The following FAM53A variants were observed in gnomAD, a reference collection of about 807,000 sequenced individuals.
The protein encoded by FAM53A is family with sequence similarity 53 member A.
In FAM53A, 28 loss-of-function variants were observed where a neutral mutation model predicts 26.6. The ratio of observed to expected loss-of-function variants is 1.05; its 90% CI spans 0.78 to 1.45. FAM53A has a LOEUF of 1.45. Ranked by LOEUF, FAM53A falls within the 40% of genes most tolerant of loss-of-function variation. The probability of loss-of-function intolerance (pLI) is 0.00; values close to 1 mark genes in which losing one functional copy is unlikely to be tolerated. For synonymous variants in FAM53A, 290 were observed against 253.1 expected (o/e 1.15, Z -1.38); for missense variants, 650 against 575.8 (o/e 1.13, Z -1.32).
chr4:1,626,455 C>T (rs762967468), intron 1 of FAM53A, among the ~76,000 whole-genome samples: 6 of 152,034 alleles, frequency 3.9e-5, no homozygotes, highest in Non-Finnish European at 7.4e-5. Flanking sequence ...CGGGGAGGAC[C>T]CAGTGTAGAC....
rs530335246 is a variant in FAM53A, at chr4:1,643,266, A to G, written c.883-1659T>C. On this transcript the variant is annotated intron_variant, in intron 4 of 4. Coordinates refer to ENST00000308132, the MANE Select transcript of FAM53A (RefSeq NM_001174070.3). Reference sequence around the variant, plus strand: ...CGGATCACGAGGTCAGGAGATCAAGACCATCCTGGCTAACACGGTGAAGCC... The same window carrying G: ...CGGATCACGAGGTCAGGAGATCAAGGCCATCCTGGCTAACACGGTGAAGCC... Among the ~76,000 whole-genome samples, 51 of 152,158 alleles carry G rather than the reference A, an allele frequency of 3.4e-4. 1 individual carries two copies. Among genetic ancestry groups the G allele is most frequent in the Middle Eastern group, 3.4e-3 (1 of 294 alleles).
intron 4 of FAM53A, among the ~76,000 whole-genome samples, chr4:1,652,475 C>T (rs1269878193): frequency 6.8e-6 from 1 of 147,374 alleles, no homozygotes; most frequent in African/African-American, 2.5e-5. Context: ...CGACACACAT[C>T]ACACATACCA....
chr4:1,661,998 A>G (rs1243614180), intron 2 of FAM53A, among the ~76,000 whole-genome samples: 1 of 152,066 alleles, frequency 6.6e-6, no homozygotes, highest in African/African-American at 2.4e-5. Context: ...ACCACTCTCG[A>G]GATGACAGAA....
chr4:1,663,837 CT>C (rs1216026712), intron 2 of FAM53A, among the ~76,000 whole-genome samples: 1 of 125,220 alleles, frequency 8.0e-6, no homozygotes, highest in Non-Finnish European at 1.7e-5. Flanking sequence ...GAGACCCTGT[CT>C]TTAAAAAAAA....
chr4:1,668,666 CCGGGCCAG>C lies in FAM53A; in HGVS notation c.68_75del (p.Ala23ValfsTer43), dbSNP rs771048032. ...GCCTGGTGCCACCTGCAGCTGCTTACCGGGCCAGCCTCCGCCTTGCAGGTGAGGTCGTC... is the reference window on the plus strand; with the variant it reads ...GCCTGGTGCCACCTGCAGCTGCTTACCCTCCGCCTTGCAGGTGAGGTCGTC... On this transcript the variant is annotated frameshift_variant and splice_region_variant, in exon 2 of 5. Coordinates refer to ENST00000308132, the MANE Select transcript of FAM53A (RefSeq NM_001174070.3). LOFTEE classifies it high-confidence loss of function. 2.1e-5 allele frequency: 34 copies of C among 1,614,094 alleles called. 1 individual carries two copies. The South Asian group carries it at 2.7e-4, about 13-fold the overall frequency.
At chr4:1,590,464 C>A in the FAM53A span, among the ~76,000 whole-genome samples, 3 of 152,232 alleles carry the variant, frequency 2.0e-5, no homozygotes, top group East Asian at 5.8e-4. Flanking sequence ...AAAACTCTCA[C>A]CCAGGTCCAG....
At position 1,640,561 on chromosome 4, in the gene FAM53A, C is replaced by A; in HGVS notation, c.*732G>T. The A allele has an allele frequency of 3.0e-6, 1 of 336,394 alleles. No individual in the cohort carries two copies. The highest frequency in any genetic ancestry group is 2.3e-5 in the South Asian group (1 of 44,036). 20.8% of individuals were successfully genotyped at this position (336,394 alleles called of 1,614,324 possible). ...GCAAAAGCCATAAAAATGCAAAATG[C>A]TTCTTTAGGAAAAACTGAATCAAAA... is the stretch of plus-strand genomic sequence containing the variant. On this transcript the variant is annotated 3_prime_UTR_variant, in exon 5 of 5. Coordinates refer to ENST00000308132, the MANE Select transcript of FAM53A (RefSeq NM_001174070.3).
At position 1,655,099 on chromosome 4, in the gene FAM53A, C is replaced by G. The variant is rs1713206669; in HGVS notation, c.761G>C (p.Gly254Ala). The G allele has an allele frequency of 6.2e-7, 1 of 1,601,580 alleles. No individual in the cohort carries two copies. The highest frequency in any genetic ancestry group is 8.5e-7 in the Non-Finnish European group (1 of 1,173,968). ...AGGCTGTGAGCGGCACCGGAGCAGC[C>G]CACGGCGCCCGCCCAGCGCAGGCGT... ...TSTPALGGRRGLLRCRSQPCV... is the reference protein window; with the variant it reads ...TSTPALGGRRALLRCRSQPCV... Residue 254 changes from glycine to alanine, a missense_variant, in exon 4 of 5, where the codon GGG (glycine) becomes GCG (alanine). Coordinates refer to ENST00000308132, the MANE Select transcript of FAM53A (RefSeq NM_001174070.3).
the FAM53A span, among the ~76,000 whole-genome samples, chr4:1,605,276 G>A: frequency 2.0e-5 from 3 of 152,210 alleles, no homozygotes; most frequent in African/African-American, 7.2e-5. The surrounding 1 kb of genome is among the most constrained non-coding windows in gnomAD (Gnocchi z 5.7). Flanking sequence ...TGGGACTGGA[G>A]TCGGAACTCC....
At position 1,668,781 on chromosome 4, in the gene FAM53A, T is replaced by C. The variant is rs114812578; in HGVS notation, c.-40A>G. 2,020 of 1,597,586 alleles carry C rather than the reference T, an allele frequency of 1.3e-3. 22 individuals are homozygous for C. In the African/African-American group the frequency reaches 0.023, roughly 18 times the overall value. ...GTCCTCCGTCCACACCAACAGGCAC[T>C]GGAGTCCTGGAACATCAGACTTGCG... On this transcript the variant is annotated 5_prime_UTR_variant, in exon 2 of 5. Coordinates refer to ENST00000308132, the MANE Select transcript of FAM53A (RefSeq NM_001174070.3).
the FAM53A span, among the ~76,000 whole-genome samples, chr4:1,575,021 C>T: frequency 1.5e-4 from 23 of 152,346 alleles, no homozygotes; most frequent in Middle Eastern, 3.4e-3. Flanking sequence ...TCTAAAGGCA[C>T]GTGACAGCAG....
chr4:1,679,734 G>A (rs1277639229), intron 1 of FAM53A, among the ~76,000 whole-genome samples: 1 of 150,922 alleles, frequency 6.6e-6, no homozygotes, highest in Non-Finnish European at 1.5e-5. Context: ...AAAAAATTGG[G>A]GCAAAGACTT....
intron 1 of FAM53A, among the ~76,000 whole-genome samples, chr4:1,670,589 G>A (rs971042293): frequency 3.9e-5 from 6 of 152,150 alleles, no homozygotes; most frequent in Non-Finnish European, 7.4e-5. Context: ...CTGAAATCGC[G>A]TGCTCAGCAC....
downstream of FAM53A, among the ~76,000 whole-genome samples, chr4:1,614,700 C>T (rs1036716013): frequency 2.0e-5 from 3 of 152,132 alleles, no homozygotes; most frequent in African/African-American, 4.8e-5. Context: ...AGGTTCCTGC[C>T]GCCTCCGGTC....
chr4:1,649,249 GA>G (rs1712538347), intron 4 of FAM53A, among the ~76,000 whole-genome samples: 2 of 152,002 alleles, frequency 1.3e-5, no homozygotes. Flanking sequence ...GAAAAGGAAA[GA>G]GAAAGAAAGA....
chr4:1,584,423 T>C, the FAM53A span, among the ~76,000 whole-genome samples: 181 of 152,394 alleles, frequency 1.2e-3, no homozygotes, highest in African/African-American at 4.0e-3. Flanking sequence ...CAACATTATA[T>C]GTTGCAGTTA....
the FAM53A span, among the ~76,000 whole-genome samples, chr4:1,596,542 A>T: frequency 0.85 from 128,101 of 151,582 alleles, 54,312 homozygotes; most frequent in African/African-American, 0.89. Context: ...CACCACCCGA[A>T]CCGGACACCA....
chr4:1,599,027 G>A, the FAM53A span, among the ~76,000 whole-genome samples: 24 of 152,250 alleles, frequency 1.6e-4, no homozygotes, highest in African/African-American at 5.1e-4. This position sits in a 1 kb window ranked among gnomAD's most constrained non-coding sequence, Gnocchi z 6.1. Flanking sequence ...TTCCTTCCCC[G>A]GCCCGCTTCC....
At chr4:1,614,494 CGCAGAGACGTGAGGGGGAT>C (rs1560099523), downstream of FAM53A, among the ~76,000 whole-genome samples, 11 of 57,564 alleles carry the variant, frequency 1.9e-4, no homozygotes, top group African/African-American at 6.8e-4. Context: ...GTGAGGGGGA[CGCAGAGACGTGAGGGGGAT>C]GCAGAGACGT....
Sources: gnomAD v4.1 joint callset for allele counts (sites outside exome capture counted in the v4.1 genomes callset) on GRCh38, gnomAD v4.1.1 for gene constraint, Gnocchi (gnomAD v3.1) non-coding constraint, MANE v1.5 for transcripts, NCBI Gene and HGNC (gene_info 2026-07-23, HGNC 2026-07-21) for gene names.